TENT4A: variants seen among roughly 807,000 people sequenced by gnomAD.
TENT4A encodes terminal nucleotidyltransferase 4A, also known as DNA polymerase kappa.
TENT4A carries 7 observed loss-of-function variants against 72.8 expected under a neutral mutation model. The ratio of observed to expected loss-of-function variants is 0.10; its 90% CI spans 0.05 to 0.18. The LOEUF is 0.18. TENT4A is among the 10% of genes least tolerant of loss of function. TENT4A has a pLI of 1.00. For synonymous variants in TENT4A, 456 were observed against 434.3 expected (o/e 1.05, Z -0.62); for missense variants, 831 against 1,017.7 (o/e 0.82, Z 2.50).
At chr5:6,731,986 A>C (rs1191695728) in intron 1 of TENT4A, among the ~76,000 whole-genome samples, 2 of 152,206 alleles carry the variant, frequency 1.3e-5, no homozygotes, top group Non-Finnish European at 2.9e-5. Flanking sequence ...CTTCTGGGCT[A>C]TGACCTTTGC....
At chr5:6,730,178 G>C (rs1490759829) in intron 1 of TENT4A, among the ~76,000 whole-genome samples, 5 of 152,072 alleles carry the variant, frequency 3.3e-5, no homozygotes, top group African/African-American at 1.2e-4. Flanking sequence ...TAGGGTGAAA[G>C]TGTTGCACCC....
rs916605852 is a variant in TENT4A at position 6,725,252 on chromosome 5, C to T, written c.716+10553C>T. ...AGGAGAATCTCTTGAATCCAGGAGG[C>T]GGAGGTTGCAGTGAGCCGAGATCAC... On this transcript the variant is annotated intron_variant, in intron 1 of 12. Coordinates refer to ENST00000230859, the MANE Select transcript of TENT4A (RefSeq NM_006999.6). 1.3e-4 allele frequency among the ~76,000 whole-genome samples: 19 copies of T among 150,754 alleles called. 1 individual carries two copies. The highest frequency in any genetic ancestry group is 3.3e-4 in the Admixed American group (5 of 15,132).
intron 1 of TENT4A, among the ~76,000 whole-genome samples, chr5:6,730,876 CTG>C (rs1036853026): frequency 1.3e-5 from 2 of 151,060 alleles, no homozygotes; most frequent in Admixed American, 6.6e-5. Flanking sequence ...AGCTTATTAA[CTG>C]TATCAGTAAA....
intron 1 of TENT4A, among the ~76,000 whole-genome samples, chr5:6,734,939 T>G (rs752177209): frequency 8.5e-5 from 13 of 152,370 alleles, no homozygotes; most frequent in Middle Eastern, 3.4e-3. Context: ...ATCTCCGTGC[T>G]CTTCCTTTCC....
intron 1 of TENT4A, among the ~76,000 whole-genome samples, chr5:6,737,020 G>A (rs1047627204): frequency 6.6e-6 from 1 of 152,212 alleles, no homozygotes; most frequent in South Asian, 2.1e-4. Flanking sequence ...GGACTCATAC[G>A]TCTTTTTCCT....
intron 6 of TENT4A, 93 bp downstream of exon 6, chr5:6,743,933 T>C: frequency 6.9e-6 from 8 of 1,157,638 alleles, no homozygotes; most frequent in Non-Finnish European, 8.7e-6. Flanking sequence ...CAGCCTTTGC[T>C]CTCCTTTTAC....
chr5:6,751,920 G>A (rs754419776), intron 11 of TENT4A, among the ~76,000 whole-genome samples: 1 of 152,176 alleles, frequency 6.6e-6, no homozygotes, highest in Non-Finnish European at 1.5e-5. Context: ...ATTCTCACAG[G>A]ATCCACCGTG....
chr5:6,755,135 T>C lies in TENT4A; in HGVS notation c.*190T>C, dbSNP rs1216686895. 2.2e-6 allele frequency: 1 copy of C among 465,042 alleles called. No individual in the cohort carries two copies. Among genetic ancestry groups the C allele is most frequent in the East Asian group, 3.3e-5 (1 of 30,330 alleles). 28.8% of individuals were successfully genotyped at this position (465,042 alleles called of 1,614,324 possible). On this transcript the variant is annotated 3_prime_UTR_variant, in exon 13 of 13. Transcript: ENST00000230859. ...TCAAGAACAGCTCGTTGTGCTCATC[T>C]GTGAAGCCTTATTAAACGTGGACGT...
chr5:6,747,489 A>G (rs1245739536), intron 7 of TENT4A, among the ~76,000 whole-genome samples: 1 of 151,820 alleles, frequency 6.6e-6, no homozygotes, highest in East Asian at 1.9e-4. Context: ...AGCTTTATTT[A>G]TTTCCTAAAG....
In TENT4A at chr5:6,754,940, A is replaced by G; in HGVS notation, c.2374A>G (p.Arg792Gly). Residue 792 changes from arginine (R) to glycine (G), a missense_variant, in exon 13 of 13, where the codon AGA (arginine) becomes GGA (glycine). Physicochemically the swap from Arg to Gly is moderately radical, Grantham distance 125 (BLOSUM62 -2). Coordinates refer to ENST00000230859, the MANE Select transcript of TENT4A (RefSeq NM_006999.6). Reference protein sequence around the residue: ...TRDSLPVSLSR With the variant: ...TRDSLPVSLSG ...GGACAGTCTGCCCGTGAGCCTCAGC[A>G]GATAATGGCTCCTGGCTGCGTCAGC... is the stretch of plus-strand genomic sequence containing the variant. 6.3e-7 allele frequency: 1 copy of G among 1,577,024 alleles called. No individual in the cohort carries two copies. Among genetic ancestry groups the G allele is most frequent in the Non-Finnish European group, 8.7e-7 (1 of 1,152,800 alleles).
At chr5:6,729,535 A>G (rs990233657) in intron 1 of TENT4A, among the ~76,000 whole-genome samples, 1 of 152,254 alleles carries the variant, frequency 6.6e-6, no homozygotes, top group African/African-American at 2.4e-5. Flanking sequence ...GCAGTCACGC[A>G]GTTTCACAGC....
At chr5:6,746,140 A>C (rs1742082876) in intron 6 of TENT4A, 74 bp from the exon 7 acceptor site, 2 of 1,608,318 alleles carry the variant, frequency 1.2e-6, no homozygotes, top group East Asian at 4.5e-5. Context: ...GCTGGACAGC[A>C]GACTTCGTCG....
chr5:6,732,390 A>G (rs2072052227), intron 1 of TENT4A, among the ~76,000 whole-genome samples: 1 of 152,226 alleles, frequency 6.6e-6, no homozygotes, highest in African/African-American at 2.4e-5. Flanking sequence ...GGAATAATAT[A>G]GTTTTGTTCT....
intron 1 of TENT4A, among the ~76,000 whole-genome samples, chr5:6,735,487 G>T (rs1411531359): frequency 6.6e-6 from 1 of 152,160 alleles, no homozygotes; most frequent in Non-Finnish European, 1.5e-5. Context: ...CCCTGGGGTG[G>T]ATGTTAACCT....
intron 7 of TENT4A, among the ~76,000 whole-genome samples, chr5:6,746,960 GC>G (rs1485167255): frequency 6.6e-6 from 1 of 152,202 alleles, no homozygotes. Context: ...CTAAGGCTGG[GC>G]TAGAGGTTTC....
intron 2 of TENT4A, 46 bp downstream of exon 2, chr5:6,737,679 A>G: frequency 6.3e-7 from 1 of 1,588,906 alleles, no homozygotes; most frequent in Admixed American, 1.8e-5. Flanking sequence ...ACGTGCGAGT[A>G]AATTTAAATA....
intron 1 of TENT4A, among the ~76,000 whole-genome samples, chr5:6,726,834 G>A (rs1005893765): frequency 6.6e-6 from 1 of 152,234 alleles, no homozygotes; most frequent in Non-Finnish European, 1.5e-5. Flanking sequence ...TGCTGTCTCA[G>A]TTGCTTGCTT....
rs1032955277 is a variant in TENT4A, at chr5:6,714,263, C to T, written c.280C>T (p.Pro94Ser). 2.9e-6 allele frequency: 3 copies of T among 1,050,452 alleles called. No homozygotes were observed. The highest frequency in any genetic ancestry group is 5.6e-5 in the Admixed American group (1 of 17,892). 65.1% of individuals were successfully genotyped at this position (1,050,452 alleles called of 1,614,324 possible). The change falls in exon 1 of 13, where the codon CCC becomes TCC. Residue 94 changes from proline (P) to serine (S), a missense_variant. Coordinates refer to ENST00000230859, the MANE Select transcript of TENT4A (RefSeq NM_006999.6). ...CCCCGCGCTGCTGACGGCGCTGGGG[C>T]CCGCGGCCGAGGGCGCGCGGCGCTT... ...LPPALLTALG[P>S]AAEGARRLHK...
chr5:6,739,587 C>T (rs991736638), intron 3 of TENT4A, 145 bp from the exon 4 acceptor site: 2 of 855,174 alleles, frequency 2.3e-6, no homozygotes, highest in Non-Finnish European at 3.6e-6. Context: ...TGCACTTCAC[C>T]TCCTTAGGGG....
Sources: gnomAD v4.1 joint callset for allele counts (sites outside exome capture counted in the v4.1 genomes callset) on GRCh38, gnomAD v4.1.1 for gene constraint, MANE v1.5 for transcripts, NCBI Gene and HGNC (gene_info 2026-07-23, HGNC 2026-07-21) for gene names.